CEP170: variants seen among roughly 807,000 people sequenced by gnomAD.
CEP170 encodes centrosomal protein of 170 kDa.
CEP170 carries 21 observed loss-of-function variants against 151.9 expected under a neutral mutation model. The observed-to-expected ratio is 0.14, with a 90% CI of 0.10 to 0.20. The LOEUF (loss-of-function observed/expected upper bound fraction) is 0.20. CEP170 is among the 10% of genes least tolerant of loss of function. CEP170 has a pLI of 1.00. For synonymous variants in CEP170, 356 were observed against 648.8 expected, an observed-to-expected ratio of 0.55 and a Z score of 6.86; for missense variants, 964 against 1,892.9, an observed-to-expected ratio of 0.51 and a Z score of 9.11.
At position 243,165,722 on chromosome 1, in the gene CEP170, T is replaced by G; in HGVS notation, c.2238A>C (p.Ala746=). ...KETSLVKQTL[A]KLQQQEQREE... is the part of the protein sequence containing the mutation. ...CCCTTTGTTCTTGTTGTTGAAGTTT[T>G]GCTAATGTTTGCTTTACCAAAGAAG... Residue 746 remains alanine, a synonymous_variant, in exon 13 of 20, where the codon GCA becomes GCC. Transcript: ENST00000366542. 2 of 1,614,102 alleles carry G rather than the reference T, an allele frequency of 1.2e-6. No individual in the cohort carries two copies. Among genetic ancestry groups the G allele is most frequent in the Non-Finnish European group, 1.7e-6 (2 of 1,179,906 alleles).
At chr1:243,147,711 A>G (rs945027040) in intron 14 of CEP170, among the ~76,000 whole-genome samples, 31 of 152,210 alleles carry the variant, frequency 2.0e-4, no homozygotes, top group Non-Finnish European at 3.4e-4. Flanking sequence ...CAGAAATACA[A>G]TTTCTCACAT....
intron 13 of CEP170, among the ~76,000 whole-genome samples, chr1:243,162,441 G>A (rs1425420630): frequency 7.9e-5 from 12 of 152,128 alleles, no homozygotes; most frequent in Admixed American, 7.9e-4. Context: ...TATACTGCTA[G>A]TAAGTATGAA....
chr1:243,202,753 A>G (rs2061139098), intron 4 of CEP170, among the ~76,000 whole-genome samples: 1 of 152,134 alleles, frequency 6.6e-6, no homozygotes, highest in Non-Finnish European at 1.5e-5. Context: ...TTATCCGCAA[A>G]AAACTCATAA....
chr1:243,154,864 A>G (rs2057410593), intron 14 of CEP170, among the ~76,000 whole-genome samples: 1 of 152,036 alleles, frequency 6.6e-6, no homozygotes, highest in Non-Finnish European at 1.5e-5. Flanking sequence ...GGGTAGAGGG[A>G]GCTTGAGAGA....
chr1:243,172,765 G>C lies in CEP170; in HGVS notation c.1648C>G (p.Leu550Val). Residue 550 changes from leucine to valine, a missense_variant, in exon 11 of 20, where the codon CTC becomes GTC. Physicochemically the swap from Leu to Val is conservative, Grantham distance 32. Coordinates refer to ENST00000366542, the MANE Select transcript of CEP170 (RefSeq NM_014812.3). ...KHKDLIKDWA[L>V]SSAAAVMEER... ...TCCATTACTGCTGCAGCAGAACTGA[G>C]AGCCCAATCTTTTATTAGATCTTTA... is the stretch of plus-strand genomic sequence containing the variant. The C allele has an allele frequency of 3.8e-6, 6 of 1,577,004 alleles. No individual in the cohort carries two copies. Among genetic ancestry groups the C allele is most frequent in the Non-Finnish European group, 5.2e-6 (6 of 1,160,220 alleles).
chr1:243,183,307 A>G (rs2059750317), intron 10 of CEP170, among the ~76,000 whole-genome samples: 1 of 152,136 alleles, frequency 6.6e-6, no homozygotes, highest in Admixed American at 6.5e-5. Flanking sequence ...CGTTTCCAGG[A>G]CCAAAGAACA....
intron 1 of CEP170, among the ~76,000 whole-genome samples, chr1:243,240,687 C>T (rs186706476): frequency 6.7e-6 from 1 of 148,922 alleles, no homozygotes; most frequent in African/African-American, 2.5e-5. Context: ...GATTAAGATG[C>T]ACTTATTTAT....
Position 243,185,903 on chromosome 1 carries a change from T to C in CEP170, c.1442A>G (p.Asn481Ser), listed in dbSNP as rs1348570067. 5 of 1,613,642 alleles carry C rather than the reference T, an allele frequency of 3.1e-6. No homozygotes were observed. Among genetic ancestry groups the C allele is most frequent in the African/African-American group, 1.3e-5 (1 of 74,914 alleles). ...TTCAGAAGTAGCAGAAGTTGCTTGA[T>C]TTTTTAACATTTTATCCATCTCCTG... ...PSQEMDKMLK[N>S]QATSATSEKD... The change falls in exon 10 of 20, where the codon AAT (asparagine) becomes AGT (serine). Residue 481 changes from asparagine to serine, a missense_variant. Asn to Ser is a conservative substitution (Grantham distance 46). Coordinates refer to ENST00000366542, the MANE Select transcript of CEP170 (RefSeq NM_014812.3). This position sits in a 1 kb window ranked among gnomAD's most constrained non-coding sequence, Gnocchi z 4.9.
At chr1:243,183,454 G>C (rs1468756299) in intron 10 of CEP170, among the ~76,000 whole-genome samples, 1 of 152,084 alleles carries the variant, frequency 6.6e-6, no homozygotes. Context: ...TCCTCCCAAA[G>C]TGCTTTTTCT....
At chr1:243,147,986 G>C (rs1232043597) in intron 14 of CEP170, among the ~76,000 whole-genome samples, 1 of 152,072 alleles carries the variant, frequency 6.6e-6, no homozygotes, top group African/African-American at 2.4e-5. Context: ...TTCAAGAATA[G>C]TCTGGCCAAC....
intron 1 of CEP170, among the ~76,000 whole-genome samples, chr1:243,240,327 T>C (rs777183800): frequency 4.6e-5 from 7 of 152,132 alleles, no homozygotes; most frequent in Non-Finnish European, 1.0e-4. Context: ...ATACAATCCA[T>C]TTAATACAAA....
In CEP170 at chr1:243,164,578, C is replaced by T. The variant is rs1243320170; in HGVS notation, c.3382G>A (p.Val1128Ile). The T allele has an allele frequency of 6.2e-7, 1 of 1,613,440 alleles. No individual in the cohort carries two copies. Among genetic ancestry groups the T allele is most frequent in the African/African-American group, 1.3e-5 (1 of 74,910 alleles). The change falls in exon 13 of 20, where the codon GTA becomes ATA. Residue 1128 changes from valine to isoleucine, a missense_variant. Physicochemically the swap from Val to Ile is conservative, Grantham distance 29 (BLOSUM62 3). Coordinates refer to ENST00000366542, the MANE Select transcript of CEP170 (RefSeq NM_014812.3). ...DADKASVASE[V>I]STTSSTSKPP... Reference sequence around the variant, plus strand: ...TTTGATGTAGAACTTGTTGTGGATACTTCAGAAGCAACAGATGCTTTGTCA... The same window carrying T: ...TTTGATGTAGAACTTGTTGTGGATATTTCAGAAGCAACAGATGCTTTGTCA...
chr1:243,131,165 G>GC (rs1184291492), intron 17 of CEP170, among the ~76,000 whole-genome samples: 1 of 151,834 alleles, frequency 6.6e-6, no homozygotes, highest in Admixed American at 6.6e-5. Context: ...AAAAAAAAAT[G>GC]CCCCCCTGAA....
chr1:243,152,767 G>A (rs1572281427), intron 14 of CEP170, among the ~76,000 whole-genome samples: 3 of 151,798 alleles, frequency 2.0e-5, no homozygotes, highest in Non-Finnish European at 1.5e-5. Context: ...TCCTGACCTC[G>A]TGATCTGCCT....
chr1:243,231,842 G>C (rs1161420903), intron 1 of CEP170, among the ~76,000 whole-genome samples: 3 of 152,148 alleles, frequency 2.0e-5, no homozygotes, highest in African/African-American at 7.2e-5. Flanking sequence ...GGGTGCGGTG[G>C]CTCATGCCTG....
At chr1:243,169,462 T>C (rs2058676067) in intron 12 of CEP170, 166 bp downstream of exon 12, 1 of 1,345,412 alleles carries the variant, frequency 7.4e-7, no homozygotes, top group East Asian at 2.5e-5. Flanking sequence ...TATGTGAATA[T>C]GTTTATTTAG....
At chr1:243,131,962 G>C (rs536201204) in intron 17 of CEP170, among the ~76,000 whole-genome samples, 1 of 152,272 alleles carries the variant, frequency 6.6e-6, no homozygotes, top group East Asian at 1.9e-4. Flanking sequence ...ATGCGAACGC[G>C]GAGTTGCGAA....
intron 10 of CEP170, among the ~76,000 whole-genome samples, chr1:243,179,049 G>T (rs1250123175): frequency 2.0e-5 from 3 of 152,106 alleles, no homozygotes; most frequent in African/African-American, 7.2e-5. Context: ...CTGTCTGGGT[G>T]AAAACATGTT....
At chr1:243,152,810 C>T (rs1039600581) in intron 14 of CEP170, among the ~76,000 whole-genome samples, 17 of 152,276 alleles carry the variant, frequency 1.1e-4, no homozygotes, top group African/African-American at 3.4e-4. Context: ...GGATTACAGG[C>T]GTGAACCACC....
Sources: allele counts gnomAD v4.1 joint callset (sites outside exome capture counted in the v4.1 genomes callset), GRCh38; gene constraint gnomAD v4.1.1; non-coding constraint Gnocchi (gnomAD v3.1); transcripts MANE v1.5; gene names NCBI Gene and HGNC (gene_info 2026-07-23, HGNC 2026-07-21).